The following BRI3 variants were observed in gnomAD, a reference collection of about 807,000 sequenced individuals.
The protein encoded by BRI3 is membrane protein BRI3.
Under a neutral mutation model 12.8 loss-of-function variants are expected in BRI3, and 6 were observed. That is an observed-to-expected ratio of 0.47 (90% CI 0.26 to 0.93). BRI3 has a LOEUF of 0.93. Ranked by LOEUF, BRI3 falls within the 40% of genes least tolerant of loss-of-function variation. The pLI, the probability that BRI3 is intolerant of heterozygous loss-of-function variation, is 0.15. For missense variants in BRI3, 134 were observed against 171.1 expected, an observed-to-expected ratio of 0.78 and a Z score of 1.21; for synonymous variants, 91 against 76.1, an observed-to-expected ratio of 1.20 and a Z score of -1.02.
chr7:98,302,880 G>A (rs1457984436), upstream of BRI3, among the ~76,000 whole-genome samples: 4 of 152,142 alleles, frequency 2.6e-5, no homozygotes, highest in Non-Finnish European at 5.9e-5. Flanking sequence ...GAACTTCTGG[G>A]TTCAGGCTAT....
intron 2 of BRI3, among the ~76,000 whole-genome samples, chr7:98,284,606 G>A (rs536114418): frequency 1.7e-4 from 26 of 152,320 alleles, no homozygotes; most frequent in African/African-American, 4.3e-4. Flanking sequence ...GGTCCAGCCC[G>A]CCGGGCTCTG....
upstream of BRI3, among the ~76,000 whole-genome samples, chr7:98,304,749 A>G (rs1800572019): frequency 6.6e-6 from 1 of 151,552 alleles, no homozygotes. Context: ...GGGTTTCACC[A>G]TATTGGCCAG....
At chr7:98,293,862 A>G (rs1360217499), downstream of BRI3, among the ~76,000 whole-genome samples, 3 of 152,200 alleles carry the variant, frequency 2.0e-5, no homozygotes, top group African/African-American at 7.2e-5. Flanking sequence ...TGTGTGTGAC[A>G]TGGGGGTCAC....
the BRI3 span, among the ~76,000 whole-genome samples, chr7:98,322,662 C>T: frequency 2.6e-5 from 4 of 152,168 alleles, no homozygotes; most frequent in Middle Eastern, 3.2e-3. Context: ...ATTCTCCCAT[C>T]CACCCCCAGC....
At chr7:98,293,944 C>T (rs1274521473), downstream of BRI3, 7 of 1,091,846 alleles carry the variant, frequency 6.4e-6, no homozygotes, top group Admixed American at 2.1e-5. Flanking sequence ...GCTGCACTCC[C>T]CCATGGCTCC....
chr7:98,291,811 T>G (rs1799968330), downstream of BRI3: 1 of 153,216 alleles, frequency 6.5e-6, no homozygotes, highest in Admixed American at 6.5e-5. Context: ...GACCCCCAGG[T>G]CCTATTCTTC....
At chr7:98,283,432 C>T (rs981751123) in intron 2 of BRI3, among the ~76,000 whole-genome samples, 2 of 151,878 alleles carry the variant, frequency 1.3e-5, no homozygotes, top group African/African-American at 4.8e-5. Context: ...CAGGTTGTGG[C>T]TGCTTGCCTG....
chr7:98,289,063 C>T lies in BRI3; in HGVS notation c.246-2048C>T, dbSNP rs143872665. ...GCAACCTCTGCCTCCCAGGTTCAAG[C>T]AATTCTGTTTCAGCTTCCCGAGTAG... is the stretch of plus-strand genomic sequence containing the variant. On this transcript the variant is annotated intron_variant, in intron 2 of 2. Coordinates refer to ENST00000297290, the MANE Select transcript of BRI3 (RefSeq NM_015379.5). Among the ~76,000 whole-genome samples, 1,012 of 152,270 alleles carry T rather than the reference C, an allele frequency of 6.6e-3. 12 individuals carry two copies. The highest frequency in any genetic ancestry group is 0.024 in the African/African-American group (980 of 41,564).
chr7:98,299,766 C>T (rs866344727), intron 1 of BRI3, among the ~76,000 whole-genome samples: 4 of 152,186 alleles, frequency 2.6e-5, no homozygotes, highest in South Asian at 2.1e-4. Context: ...ATTTGCCGGG[C>T]GCAGTGACTC....
At chr7:98,312,388 G>T, downstream of BRI3, 1 of 1,015,982 alleles carries the variant, frequency 9.8e-7, no homozygotes, top group Non-Finnish European at 1.4e-6. Flanking sequence ...GGGGGCCCTG[G>T]GTTAAACTCG....
At position 98,291,236 on chromosome 7, in the gene BRI3, T is replaced by G. The variant is rs1478608159; in HGVS notation, c.371T>G (p.Phe124Cys). ...CGATGCCCCAACTGTGGAGCCACCT[T>G]CGCTTAAAGGGAACACCAGGCCCGG... Reference protein sequence around the residue: ...KRRCPNCGATFA With the variant: ...KRRCPNCGATCA Residue 124 changes from phenylalanine (F) to cysteine (C), a missense_variant, in exon 3 of 3, where the codon TTC becomes TGC. Physicochemically the swap from Phe to Cys is radical, Grantham distance 205 (BLOSUM62 -2). Coordinates refer to ENST00000297290, the MANE Select transcript of BRI3 (RefSeq NM_015379.5). The G allele has an allele frequency of 1.2e-6, 2 of 1,613,142 alleles. No homozygotes were observed. The highest frequency in any genetic ancestry group is 2.2e-5 in the East Asian group (1 of 44,894).
downstream of BRI3, among the ~76,000 whole-genome samples, chr7:98,314,155 G>A (rs1057020878): frequency 2.6e-4 from 39 of 151,244 alleles, 1 homozygote; most frequent in Non-Finnish European, 1.5e-5. Context: ...ATTAATTTTT[G>A]TATTTTTAGT....
At chr7:98,305,964 C>T (rs1800640865), upstream of BRI3, among the ~76,000 whole-genome samples, 1 of 152,120 alleles carries the variant, frequency 6.6e-6, no homozygotes, top group Non-Finnish European at 1.5e-5. Flanking sequence ...CCCAGGGTGA[C>T]TCCCAAGAAC....
At chr7:98,294,049 G>A (rs761749054), downstream of BRI3, 3 of 1,612,420 alleles carry the variant, frequency 1.9e-6, no homozygotes, top group South Asian at 3.3e-5. Context: ...CACACACTGA[G>A]GCTCACGTAG....
chr7:98,284,466 G>A (rs1334858541), intron 2 of BRI3, among the ~76,000 whole-genome samples: 2 of 152,174 alleles, frequency 1.3e-5, no homozygotes, highest in Non-Finnish European at 2.9e-5. Context: ...TGTGGTCCCT[G>A]GGCCACTCCT....
Position 98,281,777 on chromosome 7 carries a change from C to G in BRI3, c.-19C>G. ...ACCGAGCCGAGCCGGGCCGGAGCGG[C>G]GGGCGCGGCCGGGCCGCCATGGACC... is the stretch of plus-strand genomic sequence containing the variant. On this transcript the variant is annotated 5_prime_UTR_variant, in exon 1 of 3. Coordinates refer to ENST00000297290, the MANE Select transcript of BRI3 (RefSeq NM_015379.5). 9.1e-7 allele frequency: 1 copy of G among 1,097,184 alleles called. No individual in the cohort carries two copies. 68.0% of individuals were successfully genotyped at this position (1,097,184 alleles called of 1,614,324 possible). A position where few individuals can be genotyped will look rare whatever the true frequency, so the allele number is the denominator to read the frequency against.
chr7:98,299,709 C>G (rs1294420614), intron 1 of BRI3, among the ~76,000 whole-genome samples: 2 of 152,166 alleles, frequency 1.3e-5, no homozygotes, highest in African/African-American at 4.8e-5. Context: ...CTATTCCTAA[C>G]TGTCCAATGT....
downstream of BRI3, chr7:98,292,431 C>T: frequency 1.7e-6 from 1 of 580,390 alleles, no homozygotes; most frequent in Admixed American, 3.1e-5. Context: ...GCCTCGGCCT[C>T]ACAAAATGCT....
intron 2 of BRI3, chr7:98,282,714 G>A (rs1051600002): frequency 2.2e-6 from 1 of 454,318 alleles, no homozygotes; most frequent in Non-Finnish European, 4.0e-6. Context: ...TGCACCCCAA[G>A]TGATTGGGAT....
Sources: gnomAD v4.1 joint callset for allele counts (sites outside exome capture counted in the v4.1 genomes callset) on GRCh38, gnomAD v4.1.1 for gene constraint, MANE v1.5 for transcripts, NCBI Gene and HGNC (gene_info 2026-07-23, HGNC 2026-07-21) for gene names.